PRKCA: variants seen among roughly 807,000 people sequenced by gnomAD.
The protein encoded by PRKCA is protein kinase C alpha type.
PRKCA carries 27 observed loss-of-function variants against 87.0 expected under a neutral mutation model. That is an observed-to-expected ratio of 0.31 (90% CI 0.23 to 0.43). PRKCA has a LOEUF of 0.43. Ranked by LOEUF, PRKCA falls within the 20% of genes least tolerant of loss-of-function variation. The pLI is 1.00. For synonymous variants in PRKCA, 329 were observed against 311.1 expected, an observed-to-expected ratio of 1.06 and a Z score of -0.61; for missense variants, 518 against 852.3, an observed-to-expected ratio of 0.61 and a Z score of 4.88.
At chr17:66,462,628 T>C (rs920733873) in intron 2 of PRKCA, among the ~76,000 whole-genome samples, 17 of 152,174 alleles carry the variant, frequency 1.1e-4, no homozygotes, top group African/African-American at 3.9e-4. Context: ...AGTGCTTATG[T>C]CCATTTTAGG....
At chr17:66,728,131 G>C (rs1026104559) in intron 8 of PRKCA, among the ~76,000 whole-genome samples, 60 of 152,236 alleles carry the variant, frequency 3.9e-4, no homozygotes, top group African/African-American at 1.4e-3. Context: ...AGGTGGCAGC[G>C]TGGAGATGGC....
chr17:66,546,067 A>C (rs1351308231), intron 3 of PRKCA, among the ~76,000 whole-genome samples: 1 of 152,172 alleles, frequency 6.6e-6, no homozygotes, highest in African/African-American at 2.4e-5. Flanking sequence ...TTTCATATAG[A>C]CAGTATCAGT....
chr17:66,484,692 G>A (rs1410254911), intron 2 of PRKCA, among the ~76,000 whole-genome samples: 1 of 152,118 alleles, frequency 6.6e-6, no homozygotes, highest in Non-Finnish European at 1.5e-5. Flanking sequence ...GAAAAGCAGA[G>A]AGAATAGTAT....
chr17:66,570,800 G>A (rs72845926), intron 3 of PRKCA, among the ~76,000 whole-genome samples: 8,945 of 152,218 alleles, frequency 0.059, 337 homozygotes, highest in Non-Finnish European at 0.084. Context: ...TAGCAGATTG[G>A]CAGCATAATC....
intron 8 of PRKCA, among the ~76,000 whole-genome samples, chr17:66,725,006 G>A (rs1973707994): frequency 6.6e-6 from 1 of 152,194 alleles, no homozygotes; most frequent in African/African-American, 2.4e-5. Context: ...TCTTGGGCAA[G>A]CCAGACTTCT....
intron 2 of PRKCA, among the ~76,000 whole-genome samples, chr17:66,437,563 G>T (rs1913462099): frequency 6.6e-6 from 1 of 151,978 alleles, no homozygotes; most frequent in Non-Finnish European, 1.5e-5. Flanking sequence ...GACAGATAGG[G>T]TGTCTTTTGG....
intron 14 of PRKCA, among the ~76,000 whole-genome samples, chr17:66,781,887 A>ATATAGTGTGT: frequency 8.0e-6 from 1 of 125,620 alleles, no homozygotes; most frequent in African/African-American, 3.2e-5. Flanking sequence ...ATATATATAT[A>ATATAGTGTGT]GTGTGTGTGT....
chr17:66,535,604 G>A (rs938464209), intron 3 of PRKCA, among the ~76,000 whole-genome samples: 4 of 152,158 alleles, frequency 2.6e-5, no homozygotes, highest in African/African-American at 7.2e-5. Flanking sequence ...CACAGCTCTC[G>A]AGGGGTTCTG....
chr17:66,520,235 C>T (rs995731042), intron 3 of PRKCA, among the ~76,000 whole-genome samples: 1 of 151,626 alleles, frequency 6.6e-6, no homozygotes, highest in African/African-American at 2.4e-5. Context: ...ATTCTCCTGC[C>T]TCAGTCTTCC....
intron 3 of PRKCA, among the ~76,000 whole-genome samples, chr17:66,552,553 C>A (rs894117005): frequency 1.3e-5 from 2 of 152,148 alleles, no homozygotes; most frequent in African/African-American, 4.8e-5. Flanking sequence ...TAGACTGGAC[C>A]CTTAGTTCCT....
At chr17:66,444,989 GGCCCTTT>G (rs754684716) in intron 2 of PRKCA, among the ~76,000 whole-genome samples, 22 of 151,938 alleles carry the variant, frequency 1.4e-4, no homozygotes, top group Admixed American at 5.2e-4. Flanking sequence ...TGACCTTATG[GGCCCTTT>G]GCTCTGCTAA....
chr17:66,610,311 C>G (rs117088754), intron 3 of PRKCA, among the ~76,000 whole-genome samples: 3 of 152,152 alleles, frequency 2.0e-5, no homozygotes, highest in African/African-American at 7.2e-5. Flanking sequence ...CTCCCCGGAC[C>G]CACCATCAAC....
chr17:66,471,943 A>G (rs946744699), intron 2 of PRKCA, among the ~76,000 whole-genome samples: 3 of 152,160 alleles, frequency 2.0e-5, no homozygotes, highest in Non-Finnish European at 4.4e-5. Context: ...AAATTTGACC[A>G]ATCAGTTTGA....
chr17:66,459,843 T>G (rs1010641646), intron 2 of PRKCA, among the ~76,000 whole-genome samples: 1 of 152,176 alleles, frequency 6.6e-6, no homozygotes, highest in Non-Finnish European at 1.5e-5. Flanking sequence ...TATTTTTATT[T>G]TTTAGTACTT....
intron 2 of PRKCA, among the ~76,000 whole-genome samples, chr17:66,355,105 G>C (rs891240904): frequency 6.6e-6 from 1 of 152,176 alleles, no homozygotes; most frequent in African/African-American, 2.4e-5. Context: ...AGCACATTTC[G>C]TGGCATTTGC....
intron 4 of PRKCA, 52 bp downstream of exon 4, chr17:66,641,518 A>C (rs1971296986): frequency 7.2e-7 from 1 of 1,393,500 alleles, no homozygotes; most frequent in Non-Finnish European, 1.0e-6. Flanking sequence ...GCTCATGCTC[A>C]GGGTTTGCTG....
At chr17:66,720,184 A>T (rs900958547) in intron 8 of PRKCA, among the ~76,000 whole-genome samples, 13 of 152,208 alleles carry the variant, frequency 8.5e-5, no homozygotes, top group Non-Finnish European at 1.9e-4. Context: ...AGGAGTAGGG[A>T]GCCTCGGGGC....
intron 2 of PRKCA, among the ~76,000 whole-genome samples, chr17:66,370,372 CG>C (rs906009364): frequency 5.0e-4 from 76 of 151,094 alleles, no homozygotes; most frequent in African/African-American, 1.7e-3. Flanking sequence ...GCTGGGACTA[CG>C]GGTGCACACC....
intron 3 of PRKCA, among the ~76,000 whole-genome samples, chr17:66,623,987 C>T (rs1206435459): frequency 6.6e-6 from 1 of 152,054 alleles, no homozygotes; most frequent in Non-Finnish European, 1.5e-5. Flanking sequence ...GAGTAGGGGG[C>T]TGTACCCAAA....
Sources: gnomAD v4.1 joint callset for allele counts (sites outside exome capture counted in the v4.1 genomes callset) on GRCh38, gnomAD v4.1.1 for gene constraint, MANE v1.5 for transcripts, NCBI Gene and HGNC (gene_info 2026-07-23, HGNC 2026-07-21) for gene names.